ERC1: variants seen among roughly 807,000 people sequenced by gnomAD.
The protein encoded by ERC1 is RAB6 interacting protein 2.
ERC1 carries 56 observed loss-of-function variants against 132.0 expected under a neutral mutation model. That is an observed-to-expected ratio of 0.42 (90% CI 0.34 to 0.53). The LOEUF is 0.53. Ranked by LOEUF, ERC1 falls within the 20% of genes least tolerant of loss-of-function variation. The pLI is 0.03. For missense variants in ERC1, 1,202 were observed against 1,349.9 expected, an observed-to-expected ratio of 0.89 and a Z score of 1.72; for synonymous variants, 478 against 476.1, an observed-to-expected ratio of 1.00 and a Z score of -0.05.
intron 15 of ERC1, among the ~76,000 whole-genome samples, chr12:1,309,931 CTTTTGTTTTG>C (rs560192167): frequency 2.9e-4 from 43 of 148,964 alleles, no homozygotes; most frequent in East Asian, 1.6e-3. Flanking sequence ...GATTTGTTTT[CTTTTGTTTTG>C]TTTTGTTTTG....
At chr12:1,453,696 T>G (rs540932212) in intron 18 of ERC1, among the ~76,000 whole-genome samples, 21 of 152,318 alleles carry the variant, frequency 1.4e-4, no homozygotes, top group Non-Finnish European at 2.2e-4. Flanking sequence ...TTTTCTTTAT[T>G]GTGTGTGATT....
intron 18 of ERC1, among the ~76,000 whole-genome samples, chr12:1,468,114 G>A (rs1167861822): frequency 6.6e-6 from 1 of 152,118 alleles, no homozygotes; most frequent in African/African-American, 2.4e-5. Flanking sequence ...CCTTTTACAA[G>A]GATTGAGCCT....
chr12:1,338,856 T>C (rs1485391730), intron 15 of ERC1, among the ~76,000 whole-genome samples: 1 of 152,172 alleles, frequency 6.6e-6, no homozygotes, highest in Non-Finnish European at 1.5e-5. Context: ...GCTCTAACTT[T>C]GGGGGACTTA....
intron 7 of ERC1, among the ~76,000 whole-genome samples, chr12:1,118,426 T>C (rs906619627): frequency 6.6e-6 from 1 of 152,232 alleles, no homozygotes; most frequent in African/African-American, 2.4e-5. Flanking sequence ...TCTTGTACCA[T>C]AGAGAATAGA....
At chr12:1,228,239 A>C (rs1208192717) in intron 12 of ERC1, among the ~76,000 whole-genome samples, 4 of 152,218 alleles carry the variant, frequency 2.6e-5, no homozygotes, top group Non-Finnish European at 5.9e-5. Context: ...TAGTATGGAC[A>C]TTTTAACAAC....
rs117461210 is a variant in ERC1, at chr12:1,215,719, C to T, written c.2352-21050C>T. On this transcript the variant is annotated intron_variant, in intron 12 of 18. Transcript: ENST00000360905. The stretch of plus-strand genomic sequence containing the variant: ...ATGAGTGCATGTATGCTCTTATGCT[C>T]GGCAAAGACAGGGTAAGGGAAAGGG... 8.3e-4 allele frequency among the ~76,000 whole-genome samples: 126 copies of T among 152,014 alleles called. No individual in the cohort carries two copies. The East Asian group carries it at 0.01, about 12-fold the overall frequency.
chr12:1,346,826 C>T lies in ERC1; in HGVS notation c.2781-25007C>T, dbSNP rs1376678122. On this transcript the variant is annotated intron_variant, in intron 15 of 18. Transcript: ENST00000360905. ...GCGCGGTGGCGGGCGCCTGTAGTCCCAGCTACTGGGGAGGCTGAGGCAGGA... is the reference window on the plus strand; with the variant it reads ...GCGCGGTGGCGGGCGCCTGTAGTCCTAGCTACTGGGGAGGCTGAGGCAGGA... 2.0e-5 allele frequency among the ~76,000 whole-genome samples: 3 copies of T among 151,460 alleles called. No individual in the cohort carries two copies. In the East Asian group the frequency reaches 5.8e-4, roughly 29 times the overall value.
intron 1 of ERC1, among the ~76,000 whole-genome samples, chr12:996,585 C>T (rs1592568675): frequency 1.3e-5 from 2 of 151,768 alleles, no homozygotes; most frequent in East Asian, 3.9e-4. Context: ...ATAGTGAGAC[C>T]CCATCTGTAA....
At chr12:1,402,031 C>A (rs945031919) in intron 16 of ERC1, among the ~76,000 whole-genome samples, 2 of 151,828 alleles carry the variant, frequency 1.3e-5, no homozygotes, top group African/African-American at 4.8e-5. Context: ...TCAGAAGGAC[C>A]AATATTGCAA....
At chr12:1,266,697 G>C (rs951889359) in intron 14 of ERC1, among the ~76,000 whole-genome samples, 2 of 152,084 alleles carry the variant, frequency 1.3e-5, no homozygotes, top group Non-Finnish European at 2.9e-5. Context: ...AAGTCACCGT[G>C]CCTGGCCCAT....
At chr12:1,458,972 G>C (rs73599916) in intron 18 of ERC1, among the ~76,000 whole-genome samples, 2,539 of 152,270 alleles carry the variant, frequency 0.017, 68 homozygotes, top group African/African-American at 0.059. Flanking sequence ...GGGAAAGCAC[G>C]TGATAATCCC....
chr12:1,162,323 T>G (rs1951957027), intron 8 of ERC1, among the ~76,000 whole-genome samples: 1 of 152,246 alleles, frequency 6.6e-6, no homozygotes, highest in South Asian at 2.1e-4. Context: ...CTGAGCTGCA[T>G]TCAAAATCTG....
At chr12:1,299,117 A>G (rs987663281) in intron 15 of ERC1, among the ~76,000 whole-genome samples, 2 of 152,218 alleles carry the variant, frequency 1.3e-5, no homozygotes, top group African/African-American at 4.8e-5. Context: ...AACTGATAGA[A>G]TTACTAAACA....
chr12:1,215,062 T>A (rs986722579), intron 12 of ERC1, among the ~76,000 whole-genome samples: 2 of 152,208 alleles, frequency 1.3e-5, no homozygotes, highest in African/African-American at 4.8e-5. Flanking sequence ...GATTTTGTAT[T>A]TTCATTTCAA....
intron 17 of ERC1, chr12:1,444,159 C>T (rs1222474623): frequency 1.9e-5 from 3 of 154,902 alleles, no homozygotes; most frequent in Non-Finnish European, 4.3e-5. Flanking sequence ...TTCAGATGAG[C>T]AGTTTCACTA....
At chr12:1,185,266 C>T (rs944889795) in intron 11 of ERC1, among the ~76,000 whole-genome samples, 2 of 151,972 alleles carry the variant, frequency 1.3e-5, no homozygotes, top group African/African-American at 2.4e-5. Flanking sequence ...GTCTCAAACC[C>T]CTGCCTCAAG....
At chr12:1,484,038 G>A (rs1400366289) in intron 18 of ERC1, among the ~76,000 whole-genome samples, 4 of 149,864 alleles carry the variant, frequency 2.7e-5, no homozygotes, top group Non-Finnish European at 4.4e-5. Context: ...GGGCGTGGTG[G>A]CTCACGCCTG....
intron 18 of ERC1, among the ~76,000 whole-genome samples, chr12:1,459,158 T>C (rs948964626): frequency 6.6e-6 from 1 of 152,250 alleles, no homozygotes; most frequent in Non-Finnish European, 1.5e-5. Flanking sequence ...CTTGAAAATT[T>C]ATTTCCTATA....
chr12:1,437,623 T>C (rs138886076), intron 17 of ERC1, among the ~76,000 whole-genome samples: 2 of 152,360 alleles, frequency 1.3e-5, no homozygotes, highest in East Asian at 3.9e-4. Context: ...GAAGATTGAA[T>C]AGGCAGAATG....
Sources: gnomAD v4.1 joint callset for allele counts (sites outside exome capture counted in the v4.1 genomes callset) on GRCh38, gnomAD v4.1.1 for gene constraint, MANE v1.5 for transcripts, NCBI Gene and HGNC (gene_info 2026-07-23, HGNC 2026-07-21) for gene names.